The following MAPK6 variants were observed in gnomAD, a reference collection of about 807,000 sequenced individuals.
MAPK6 encodes ERK-3.
In MAPK6, 19 loss-of-function variants were observed where a neutral mutation model predicts 59.3. That is an observed-to-expected ratio of 0.32 (90% CI 0.22 to 0.47). The LOEUF is 0.47. Ranked by LOEUF, MAPK6 falls within the 20% of genes least tolerant of loss-of-function variation. The pLI is 1.00. For missense variants in MAPK6, 724 were observed against 847.9 expected (o/e 0.85, Z 1.81); for synonymous variants, 316 against 290.3 (o/e 1.09, Z -0.90).
chr15:51,975,173 A>C (rs1220533696), intron 1 of MAPK6, among the ~76,000 whole-genome samples: 1 of 151,950 alleles, frequency 6.6e-6, no homozygotes, highest in Non-Finnish European at 1.5e-5. Context: ...CCGAAGAACA[A>C]AGATTCAATG....
intron 2 of MAPK6, among the ~76,000 whole-genome samples, chr15:51,990,555 C>T (rs2057204857): frequency 6.6e-6 from 1 of 152,188 alleles, no homozygotes; most frequent in African/African-American, 2.4e-5. Flanking sequence ...GTGGCTCATG[C>T]CTGTAATCCC....
intron 2 of MAPK6, among the ~76,000 whole-genome samples, chr15:51,992,633 C>G (rs1339212692): frequency 6.6e-6 from 1 of 152,090 alleles, no homozygotes; most frequent in Non-Finnish European, 1.5e-5. Flanking sequence ...ATGCCAATCA[C>G]AAGTCCCAGG....
At chr15:52,026,779 C>T (rs922560613) in intron 1 of MAPK6, among the ~76,000 whole-genome samples, 3 of 151,962 alleles carry the variant, frequency 2.0e-5, no homozygotes, top group South Asian at 4.2e-4. Context: ...TGGCTGGGCG[C>T]GATGGCTCAT....
chr15:52,062,067 A>ATTTTTTTT (rs59641315), intron 5 of MAPK6, among the ~76,000 whole-genome samples: 5 of 137,518 alleles, frequency 3.6e-5, no homozygotes, highest in African/African-American at 1.3e-4. Context: ...TAGATGCAGG[A>ATTTTTTTT]TTTTTTTTTT....
At chr15:51,974,995 G>A (rs946738627) in intron 1 of MAPK6, among the ~76,000 whole-genome samples, 11 of 151,490 alleles carry the variant, frequency 7.3e-5, no homozygotes, top group Admixed American at 4.6e-4. Context: ...GGGATTACTG[G>A]CGTCAGCCAC....
chr15:51,988,818 A>G (rs2057199191), intron 2 of MAPK6, among the ~76,000 whole-genome samples: 1 of 152,128 alleles, frequency 6.6e-6, no homozygotes, highest in Middle Eastern at 3.4e-3. Flanking sequence ...TTAGTTCATC[A>G]GTATCACTGG....
chr15:52,060,307 C>A (rs547669741), intron 4 of MAPK6, among the ~76,000 whole-genome samples: 21 of 152,088 alleles, frequency 1.4e-4, no homozygotes, highest in Non-Finnish European at 2.9e-4. Flanking sequence ...GAGAGAAAGG[C>A]CATCTTTCTC....
chr15:51,994,464 T>C (rs1384124393), intron 2 of MAPK6, among the ~76,000 whole-genome samples: 1 of 152,062 alleles, frequency 6.6e-6, no homozygotes, highest in Admixed American at 6.6e-5. Flanking sequence ...TCGTCTGAGG[T>C]TTCATCATGA....
At chr15:52,052,669 T>A (rs2031819402) in intron 3 of MAPK6, among the ~76,000 whole-genome samples, 1 of 152,208 alleles carries the variant, frequency 6.6e-6, no homozygotes, top group South Asian at 2.1e-4. Context: ...GTGACAGGCT[T>A]CTTTCATGTA....
At chr15:51,994,264 C>G (rs924278941) in intron 2 of MAPK6, among the ~76,000 whole-genome samples, 1 of 152,150 alleles carries the variant, frequency 6.6e-6, no homozygotes, top group Non-Finnish European at 1.5e-5. Flanking sequence ...CTGGCCAGCT[C>G]TTGGTTTCTA....
At chr15:52,060,109 C>T (rs145687013) in intron 4 of MAPK6, among the ~76,000 whole-genome samples, 186 of 152,280 alleles carry the variant, frequency 1.2e-3, no homozygotes, top group African/African-American at 4.3e-3. Flanking sequence ...ACCATTGTAG[C>T]ATTCCTGTAG....
At chr15:52,034,416 A>C (rs1471956578) in intron 1 of MAPK6, among the ~76,000 whole-genome samples, 5 of 150,626 alleles carry the variant, frequency 3.3e-5, no homozygotes, top group African/African-American at 1.2e-4. Context: ...GGGTTCAAGC[A>C]GTCCTCCCAC....
At chr15:52,010,580 A>C (rs750331518) in intron 3 of MAPK6, among the ~76,000 whole-genome samples, 19 of 138,122 alleles carry the variant, frequency 1.4e-4, no homozygotes, top group Admixed American at 2.5e-4. Context: ...GTGTAGTGGC[A>C]CGATCTTGGC....
rs71130120 is a variant in MAPK6, at chr15:52,027,349, C to CA, written c.-632+7992dup. ...TGGGTGACAGAGCGAGACTCCCTCT[C>CA]AAAAAAAAAAAAAAAAAAAGAAAAT... On this transcript the variant is annotated intron_variant, in intron 1 of 5. Transcript: ENST00000261845. Among the ~76,000 whole-genome samples, 143 of 49,192 alleles carry CA rather than the reference C, an allele frequency of 2.9e-3. 7 individuals carry two copies. The Admixed American group carries it at 0.033, about 11-fold the overall frequency. The allele number at this position is 49,192 out of a possible 152,430, so 32.3% of individuals were successfully genotyped here. A position where few individuals can be genotyped will look rare whatever the true frequency, so the allele number is the denominator to read the frequency against.
rs1239241733 is a variant in MAPK6, at chr15:52,064,508, C to G, written c.1674C>G (p.Ser558=). ...TAAATGACTTGAATAGCTCAGTGTC[C>G]CAACTAGAATTGAAAAGTTTGATAT... The part of the protein sequence containing the change: ...DKLNDLNSSV[S]QLELKSLISK... The change falls in exon 6 of 6, where the codon TCC becomes TCG. Residue 558 remains serine (S), a synonymous_variant. Coordinates refer to ENST00000261845, the MANE Select transcript of MAPK6 (RefSeq NM_002748.4). 6.2e-7 allele frequency: 1 copy of G among 1,609,192 alleles called. No individual in the cohort carries two copies. The highest frequency in any genetic ancestry group is 1.7e-5 in the Admixed American group (1 of 59,534).
chr15:51,982,412 C>T (rs1214929702), intron 1 of MAPK6, among the ~76,000 whole-genome samples: 1 of 152,096 alleles, frequency 6.6e-6, no homozygotes, highest in Non-Finnish European at 1.5e-5. Context: ...GTATTAACAT[C>T]CTTAACAGTA....
intron 2 of MAPK6, among the ~76,000 whole-genome samples, chr15:51,994,185 C>T (rs1269380986): frequency 6.6e-6 from 1 of 152,132 alleles, no homozygotes; most frequent in Admixed American, 6.6e-5. Context: ...GTCTCGAACT[C>T]CCAGCCTCAG....
At chr15:52,053,469 TTTATTA>T (rs2031851613) in intron 3 of MAPK6, among the ~76,000 whole-genome samples, 1 of 152,340 alleles carries the variant, frequency 6.6e-6, no homozygotes. Flanking sequence ...GGGTTGTCTT[TTTATTA>T]TTGAGTTGTA....
intron 1 of MAPK6, among the ~76,000 whole-genome samples, chr15:52,044,546 G>T (rs527776418): frequency 6.6e-6 from 1 of 152,032 alleles, no homozygotes; most frequent in Non-Finnish European, 1.5e-5. Flanking sequence ...TATTTGTTAG[G>T]AATTCTGACC....
Sources: gnomAD v4.1 joint callset for allele counts (sites outside exome capture counted in the v4.1 genomes callset) on GRCh38, gnomAD v4.1.1 for gene constraint, MANE v1.5 for transcripts, NCBI Gene and HGNC (gene_info 2026-07-23, HGNC 2026-07-21) for gene names.